The following ATAD2 variants were observed in gnomAD, a reference collection of about 807,000 sequenced individuals.
ATAD2 encodes the protein ATPase family AAA domain-containing protein 2.
In ATAD2, 62 loss-of-function variants were observed where a neutral mutation model predicts 168.9. The observed-to-expected ratio is 0.37, with a 90% CI of 0.30 to 0.45. The LOEUF (loss-of-function observed/expected upper bound fraction) is 0.45, where lower values mean the gene tolerates loss of function less well. Among genes scored for constraint, ATAD2 ranks in the 20% least tolerant of loss-of-function variants. ATAD2 has a pLI of 1.00. For synonymous variants in ATAD2, 613 were observed against 571.6 expected (o/e 1.07, Z -1.03); for missense variants, 1,419 against 1,667.8 (o/e 0.85, Z 2.60).
chr8:123,337,304 A>G (rs1008329885), intron 21 of ATAD2, among the ~76,000 whole-genome samples: 2 of 152,146 alleles, frequency 1.3e-5, no homozygotes, highest in Non-Finnish European at 2.9e-5. Context: ...TGGAGGTTGC[A>G]ATGAGCCGAG....
At chr8:123,345,105 T>C (rs2131320110) in intron 18 of ATAD2, 36 bp from the exon 19 acceptor site, 1 of 1,539,220 alleles carries the variant, frequency 6.5e-7, no homozygotes, top group East Asian at 2.3e-5. Flanking sequence ...TCAGTTAGAG[T>C]CAGCACGTTA....
At chr8:123,339,532 T>C in intron 19 of ATAD2, 86 bp from the exon 20 acceptor site, 1 of 1,264,852 alleles carries the variant, frequency 7.9e-7, no homozygotes. Context: ...TTTTAGACTT[T>C]ACAGCAGCAT....
upstream of ATAD2, chr8:123,401,170 G>A (rs1412370336): frequency 1.4e-5 from 14 of 1,001,692 alleles, no homozygotes; most frequent in South Asian, 1.4e-4. Context: ...AGAGGCAAAT[G>A]AGATCCTGCA....
chr8:123,402,141 AC>A lies in ATAD2; in HGVS notation c.-2281-967del, dbSNP rs1813011478. ...TGGAGGCCGAGGTGGTGGAGGGGGC[AC>A]CCCCCAGTGTCCACCTTCGGGCATA... is the stretch of plus-strand genomic sequence containing the variant. On this transcript the variant is annotated intron_variant, in intron 1 of 28. Coordinates refer to the ATAD2 transcript ENST00000521903. The surrounding 1 kb of genome is among the most constrained non-coding windows in gnomAD (Gnocchi z 4.8). 11 of 765,526 alleles carry A rather than the reference AC, an allele frequency of 1.4e-5. No individual in the cohort carries two copies. The highest frequency in any genetic ancestry group is 2.6e-5 in the East Asian group (1 of 37,822). The allele number at this position is 765,526 out of a possible 1,614,324, so 47.4% of individuals were successfully genotyped here.
At chr8:123,373,088 T>C (rs1249404937) in intron 2 of ATAD2, among the ~76,000 whole-genome samples, 1 of 151,672 alleles carries the variant, frequency 6.6e-6, no homozygotes, top group Non-Finnish European at 1.5e-5. Context: ...GAGACGAGGT[T>C]TCACCATGTT....
At chr8:123,366,541 T>A (rs1210103433) in intron 8 of ATAD2, among the ~76,000 whole-genome samples, 1 of 152,158 alleles carries the variant, frequency 6.6e-6, no homozygotes, top group Non-Finnish European at 1.5e-5. Flanking sequence ...GGACTACTAC[T>A]CAGCCATCAA....
intron 1 of ATAD2, among the ~76,000 whole-genome samples, chr8:123,411,467 C>T (rs908879194): frequency 2.6e-5 from 4 of 152,110 alleles, no homozygotes; most frequent in Non-Finnish European, 2.9e-5. Context: ...GCTGGATTTC[C>T]TAGGCCGACT....
At chr8:123,378,407 G>A (rs1829386771) in intron 2 of ATAD2, among the ~76,000 whole-genome samples, 1 of 152,190 alleles carries the variant, frequency 6.6e-6, no homozygotes, top group South Asian at 2.1e-4. Flanking sequence ...CAAAATAAGA[G>A]AATCAAAATT....
At position 123,320,414 on chromosome 8, in the gene ATAD2, A is replaced by G. The variant is rs1327165609; in HGVS notation, c.*720T>C. On this transcript the variant is annotated 3_prime_UTR_variant, in exon 28 of 28. Transcript: ENST00000287394. ...TTAGAAAGATATCAACAGCTTGCAA[A>G]TATAAAAACCTTGTGCTATTAAAAG... The G allele has an allele frequency of 6.6e-6, 1 of 152,122 alleles. No homozygotes were observed. The highest frequency in any genetic ancestry group is 1.5e-5 in the Non-Finnish European group (1 of 68,010). 9.4% of individuals were successfully genotyped at this position (152,122 alleles called of 1,614,324 possible).
intron 8 of ATAD2, among the ~76,000 whole-genome samples, chr8:123,365,548 C>T (rs1284543310): frequency 1.3e-5 from 2 of 152,096 alleles, no homozygotes; most frequent in African/African-American, 4.8e-5. Flanking sequence ...GCCATAGTCA[C>T]CAAAACAGCA....
intron 22 of ATAD2, 69 bp from the exon 23 acceptor site, chr8:123,334,391 C>T: frequency 7.4e-7 from 1 of 1,345,614 alleles, no homozygotes; most frequent in Non-Finnish European, 9.8e-7. Flanking sequence ...ATAAACTCAG[C>T]ATATTAGGCT....
chr8:123,325,692 A>G (rs1364990586), intron 26 of ATAD2, among the ~76,000 whole-genome samples: 1 of 152,148 alleles, frequency 6.6e-6, no homozygotes, highest in Non-Finnish European at 1.5e-5. Context: ...AAGTGCTGGG[A>G]TTACAGGCGT....
chr8:123,380,634 C>T lies in ATAD2; in HGVS notation c.215G>A (p.Arg72His), dbSNP rs140905649. The change falls in exon 2 of 28, where the codon CGT (arginine) becomes CAT (histidine). Residue 72 changes from arginine (R) to histidine (H), a missense_variant. Around this residue, in one of 5 missense-constraint regions of ATAD2, gnomAD observed 419 missense variants for 423.5 expected, o/e 0.99. Transcript: ENST00000287394. ...VKEVETYHRT[R>H]ALRSLRKDAQ... ...ATCTTTTCTCAAAGATCTTAAAGCA[C>T]GTGTCCGGTGGTAGGTTTCAACTTC... 34 of 1,613,876 alleles carry T rather than the reference C, an allele frequency of 2.1e-5. No homozygotes were observed. Among genetic ancestry groups the T allele is most frequent in the South Asian group, 3.3e-5 (3 of 91,068 alleles).
intron 2 of ATAD2, 60 bp downstream of exon 2, chr8:123,380,469 C>T: frequency 8.3e-6 from 13 of 1,562,298 alleles, no homozygotes; most frequent in Non-Finnish European, 1.1e-5. Flanking sequence ...AAAATTAAAG[C>T]AAATCCTAAA....
intron 1 of ATAD2, among the ~76,000 whole-genome samples, chr8:123,385,725 T>C (rs772068353): frequency 6.6e-6 from 1 of 151,754 alleles, no homozygotes; most frequent in African/African-American, 2.4e-5. Flanking sequence ...ACCTACAGAA[T>C]ACGAAAAAAA....
At chr8:123,348,302 C>G (rs755021622) in intron 14 of ATAD2, 29 bp from the exon 15 acceptor site, 1 of 1,391,840 alleles carries the variant, frequency 7.2e-7, no homozygotes, top group Non-Finnish European at 9.9e-7. Context: ...TAATTTTTTA[C>G]AACTATAATA....
chr8:123,406,282 C>G (rs985229404), intron 1 of ATAD2, among the ~76,000 whole-genome samples: 1 of 144,828 alleles, frequency 6.9e-6, no homozygotes, highest in Non-Finnish European at 1.5e-5. Flanking sequence ...GAGGCTGAGA[C>G]AGGAGAATTG....
rs758065745 is a variant in ATAD2 at position 123,359,103 on chromosome 8, A to C, written c.1382+118T>G. Reference sequence around the variant, plus strand: ...GGTGATTCAGAGAGAAAAGTTGTATAATGAAAAGGGAAAAGGGAACTATCA... The same window carrying C: ...GGTGATTCAGAGAGAAAAGTTGTATCATGAAAAGGGAAAAGGGAACTATCA... On this transcript the variant is annotated intron_variant, in intron 11 of 27. Transcript: ENST00000287394. 71 of 627,628 alleles carry C rather than the reference A, an allele frequency of 1.1e-4. 1 individual carries two copies. The highest frequency in any genetic ancestry group is 4.4e-4 in the Middle Eastern group (1 of 2,258). The allele number at this position is 627,628 out of a possible 1,614,324, so 38.9% of individuals were successfully genotyped here. A position where few individuals can be genotyped will look rare whatever the true frequency, so the allele number is the denominator to read the frequency against.
At chr8:123,333,054 CG>C (rs1247918219) in intron 24 of ATAD2, among the ~76,000 whole-genome samples, 1 of 151,538 alleles carries the variant, frequency 6.6e-6, no homozygotes, top group African/African-American at 2.4e-5. Flanking sequence ...CAGCAAACAC[CG>C]CTAACCCTAA....
Sources: allele counts gnomAD v4.1 joint callset (sites outside exome capture counted in the v4.1 genomes callset), GRCh38; gene constraint gnomAD v4.1.1; regional missense constraint gnomAD v4.1.1; non-coding constraint Gnocchi (gnomAD v3.1); transcripts MANE v1.5; gene names NCBI Gene and HGNC (gene_info 2026-07-23, HGNC 2026-07-21).